Variants in RBM34 observed in about 807,000 individuals in gnomAD.
RBM34 encodes RNA binding motif protein 34.
A neutral mutation model predicts 44.6 loss-of-function variants in RBM34; 39 were observed. That is an observed-to-expected ratio of 0.87 (90% CI 0.68 to 1.14). The LOEUF (loss-of-function observed/expected upper bound fraction) is 1.14, where lower values mean the gene tolerates loss of function less well. RBM34 is among the 50% of genes most tolerant of loss of function. The pLI is 0.00. For missense variants in RBM34, 572 were observed against 517.9 expected (o/e 1.10, Z -1.01); for synonymous variants, 194 against 184.0 (o/e 1.05, Z -0.44).
At chr1:235,146,061 G>A (rs1661893510) in intron 6 of RBM34, among the ~76,000 whole-genome samples, 1 of 144,844 alleles carries the variant, frequency 6.9e-6, no homozygotes, top group Non-Finnish European at 1.5e-5. Flanking sequence ...CACTTCCTGA[G>A]CTCAGGTGCT....
chr1:235,156,531 T>C (rs555031355), intron 3 of RBM34: 12 of 399,556 alleles, frequency 3.0e-5, no homozygotes, highest in Admixed American at 1.1e-4. Flanking sequence ...ACAAGCAATA[T>C]GGCTGATAGG....
rs1661197893 is a variant in RBM34 at position 235,131,594 on chromosome 1, A to G, written c.*119T>C. ...GAATGTGGAAGTCTCCACATTTCAC[A>G]TACACCATCCATAAAGAAGTATAAA... On this transcript the variant is annotated 3_prime_UTR_variant, in exon 11 of 11. Coordinates refer to ENST00000408888, the MANE Select transcript of RBM34 (RefSeq NM_015014.4). 3 of 1,130,574 alleles carry G rather than the reference A, an allele frequency of 2.7e-6. No homozygotes were observed. Among genetic ancestry groups the G allele is most frequent in the Non-Finnish European group, 3.8e-6 (3 of 794,984 alleles). The allele number at this position is 1,130,574 out of a possible 1,614,324, so 70.0% of individuals were successfully genotyped here.
intron 5 of RBM34, among the ~76,000 whole-genome samples, chr1:235,151,501 G>T (rs1272300232): frequency 6.6e-6 from 1 of 152,166 alleles, no homozygotes; most frequent in Non-Finnish European, 1.5e-5. Context: ...TACTTCTATA[G>T]AAGTGGGCAG....
chr1:235,156,290 C>G (rs1283859595), intron 3 of RBM34, among the ~76,000 whole-genome samples: 1 of 152,134 alleles, frequency 6.6e-6, no homozygotes, highest in East Asian at 1.9e-4. Flanking sequence ...AGGCGTGAAC[C>G]ACTGCACCTG....
chr1:235,160,510 C>G lies in RBM34; in HGVS notation c.365+1G>C, dbSNP rs762023566. ...ACATCAAATAAGAGAATTTTACCAA[C>G]CTGTCTGCCAACTTTTTTTCTGCGT... On this transcript the variant is annotated splice_donor_variant, in intron 3 of 10. Coordinates refer to ENST00000408888, the MANE Select transcript of RBM34 (RefSeq NM_015014.4). LOFTEE classifies it high-confidence loss of function. 12 of 1,609,514 alleles carry G rather than the reference C, an allele frequency of 7.5e-6. No individual in the cohort carries two copies. The highest frequency in any genetic ancestry group is 1.7e-5 in the Admixed American group (1 of 59,032).
intron 5 of RBM34, among the ~76,000 whole-genome samples, chr1:235,150,606 G>A (rs74868495): frequency 0.11 from 16,071 of 152,218 alleles, 1,233 homozygotes; most frequent in Non-Finnish European, 0.16. Context: ...AAACCCACGT[G>A]TAGAGGAACA....
intron 8 of RBM34, among the ~76,000 whole-genome samples, chr1:235,137,197 T>G (rs571888773): frequency 1.3e-5 from 2 of 152,168 alleles, no homozygotes; most frequent in Non-Finnish European, 2.9e-5. Flanking sequence ...AACCCTAACA[T>G]ATACTGTCAG....
intron 5 of RBM34, among the ~76,000 whole-genome samples, chr1:235,150,041 C>T (rs1001077314): frequency 1.3e-5 from 2 of 152,142 alleles, no homozygotes; most frequent in Non-Finnish European, 2.9e-5. Context: ...GCCTTCTGTA[C>T]AGCGTCTACG....
intron 6 of RBM34, 121 bp downstream of exon 6, chr1:235,148,283 A>G (rs752309434): frequency 1.3e-4 from 78 of 619,538 alleles, no homozygotes; most frequent in Non-Finnish European, 1.9e-4. Flanking sequence ...CAAACAGTCA[A>G]TCATGCTCTA....
At chr1:235,140,278 G>A (rs952921209) in intron 6 of RBM34, among the ~76,000 whole-genome samples, 7 of 152,212 alleles carry the variant, frequency 4.6e-5, no homozygotes, top group African/African-American at 7.2e-5. Context: ...TTGCAGGGAG[G>A]TGTGGAGGGA....
chr1:235,160,492 A>T lies in RBM34; in HGVS notation c.365+19T>A, dbSNP rs1436089689. On this transcript the variant is annotated intron_variant, in intron 3 of 10. Transcript: ENST00000408888. ...TACCATCTAATTTCTTTAACATCAA[A>T]TAAGAGAATTTTACCAACCTGTCTG... 4 of 1,603,026 alleles carry T rather than the reference A, an allele frequency of 2.5e-6. No individual in the cohort carries two copies. The South Asian group carries it at 3.4e-5, about 14-fold the overall frequency.
At chr1:235,156,150 G>A (rs976358328) in intron 3 of RBM34, among the ~76,000 whole-genome samples, 1 of 151,452 alleles carries the variant, frequency 6.6e-6, no homozygotes, top group African/African-American at 2.4e-5. Flanking sequence ...TTACAGGCAT[G>A]AGCCACCGCG....
chr1:235,140,492 T>TA (rs1414761153), intron 6 of RBM34, among the ~76,000 whole-genome samples: 1 of 152,222 alleles, frequency 6.6e-6, no homozygotes, highest in Non-Finnish European at 1.5e-5. Flanking sequence ...CCACTGGCGC[T>TA]ACGCTCGATT....
chr1:235,156,190 G>C (rs535649074), intron 3 of RBM34, among the ~76,000 whole-genome samples: 3 of 151,636 alleles, frequency 2.0e-5, no homozygotes, highest in Non-Finnish European at 4.4e-5. Flanking sequence ...TTTTTGTAGA[G>C]ACAGGGTTTT....
chr1:235,139,890 T>C (rs1026268904), intron 6 of RBM34, among the ~76,000 whole-genome samples: 2 of 152,194 alleles, frequency 1.3e-5, no homozygotes, highest in African/African-American at 4.8e-5. Context: ...ATTCCAGCCA[T>C]GATCTCACTA....
intron 4 of RBM34, among the ~76,000 whole-genome samples, chr1:235,153,915 C>T (rs1171655275): frequency 6.6e-6 from 1 of 152,160 alleles, no homozygotes; most frequent in African/African-American, 2.4e-5. Flanking sequence ...TTAAACAACA[C>T]ATATTTACTA....
At chr1:235,149,729 C>T (rs570061171) in intron 5 of RBM34, among the ~76,000 whole-genome samples, 15 of 152,220 alleles carry the variant, frequency 9.9e-5, no homozygotes, top group Admixed American at 2.0e-4. Context: ...CAAATGCAAC[C>T]AGGTACTGAG....
At chr1:235,143,744 A>G (rs1302266057) in intron 6 of RBM34, among the ~76,000 whole-genome samples, 1 of 152,108 alleles carries the variant, frequency 6.6e-6, no homozygotes, top group African/African-American at 2.4e-5. Flanking sequence ...TCACAATACA[A>G]TACAGTACAA....
At chr1:235,150,623 A>C (rs531133126) in intron 5 of RBM34, among the ~76,000 whole-genome samples, 3 of 152,150 alleles carry the variant, frequency 2.0e-5, no homozygotes, top group Non-Finnish European at 4.4e-5. Flanking sequence ...AACACAGGAG[A>C]GGCAGGGCCA....
Sources: allele counts gnomAD v4.1 joint callset (sites outside exome capture counted in the v4.1 genomes callset), GRCh38; gene constraint gnomAD v4.1.1; transcripts MANE v1.5; gene names NCBI Gene and HGNC (gene_info 2026-07-23, HGNC 2026-07-21).